The following CHIC2 variants were observed in gnomAD, a reference collection of about 807,000 sequenced individuals.
The protein encoded by CHIC2 is cysteine rich hydrophobic domain 2.
Under a neutral mutation model 25.9 loss-of-function variants are expected in CHIC2, and 14 were observed. That is an observed-to-expected ratio of 0.54 (90% CI 0.36 to 0.85). The LOEUF (loss-of-function observed/expected upper bound fraction) is 0.85. Among genes scored for constraint, CHIC2 ranks in the 40% least tolerant of loss-of-function variants. The probability of loss-of-function intolerance (pLI) is 0.01; values close to 1 mark genes in which losing one functional copy is unlikely to be tolerated. For synonymous variants in CHIC2, 70 were observed against 72.0 expected, an observed-to-expected ratio of 0.97 and a Z score of 0.14; for missense variants, 146 against 202.0, an observed-to-expected ratio of 0.72 and a Z score of 1.68.
intron 3 of CHIC2, among the ~76,000 whole-genome samples, chr4:54,041,167 G>A (rs1716565778): frequency 6.6e-6 from 1 of 151,704 alleles, no homozygotes; most frequent in South Asian, 2.1e-4. Context: ...GATGGATTTT[G>A]AAGGCAAGAC....
At chr4:54,055,794 A>C (rs1473371150) in intron 1 of CHIC2, among the ~76,000 whole-genome samples, 1 of 152,192 alleles carries the variant, frequency 6.6e-6, no homozygotes, top group Non-Finnish European at 1.5e-5. Flanking sequence ...CATATAAATC[A>C]TGCTTTAAGT....
rs1717450110 is a variant in CHIC2 at position 54,064,524 on chromosome 4, T to C, written c.-224A>G. Reference sequence around the variant, plus strand: ...ACCATCAGCAATAACAACAACACAATGTCAACATCCGCCCAGAGGCCGACA... The same window carrying C: ...ACCATCAGCAATAACAACAACACAACGTCAACATCCGCCCAGAGGCCGACA... On this transcript the variant is annotated 5_prime_UTR_variant, in exon 1 of 6. Coordinates refer to ENST00000263921, the MANE Select transcript of CHIC2 (RefSeq NM_012110.4). This position sits in a 1 kb window ranked among gnomAD's most constrained non-coding sequence, Gnocchi z 4.2. 7.2e-7 allele frequency: 1 copy of C among 1,387,720 alleles called. No individual in the cohort carries two copies. The highest frequency in any genetic ancestry group is 9.3e-7 in the Non-Finnish European group (1 of 1,076,726). 86.0% of individuals were successfully genotyped at this position (1,387,720 alleles called of 1,614,324 possible).
intron 3 of CHIC2, among the ~76,000 whole-genome samples, chr4:54,025,497 C>T (rs780296463): frequency 3.3e-5 from 5 of 152,148 alleles, no homozygotes; most frequent in Non-Finnish European, 4.4e-5. Context: ...ACAGCCTTGT[C>T]GCTCACACAA....
At chr4:54,026,933 AAATCGAACT>A (rs1455016217) in intron 3 of CHIC2, among the ~76,000 whole-genome samples, 2 of 152,172 alleles carry the variant, frequency 1.3e-5, no homozygotes, top group Non-Finnish European at 2.9e-5. Context: ...AAATTTTTGT[AAATCGAACT>A]TTTTTACAGA....
At chr4:54,050,264 T>G (rs183248043) in intron 1 of CHIC2, among the ~76,000 whole-genome samples, 4 of 152,264 alleles carry the variant, frequency 2.6e-5, no homozygotes, top group Admixed American at 2.6e-4. Context: ...CTGTAAAGTT[T>G]TGAAGGGGGG....
chr4:54,045,106 T>C (rs993725291), intron 3 of CHIC2, among the ~76,000 whole-genome samples: 7 of 152,246 alleles, frequency 4.6e-5, no homozygotes, highest in African/African-American at 9.6e-5. Context: ...CAGGAAGAAG[T>C]TGAATGTCTG....
chr4:54,086,403 T>C, the CHIC2 span, among the ~76,000 whole-genome samples: 1 of 152,128 alleles, frequency 6.6e-6, no homozygotes, highest in Non-Finnish European at 1.5e-5. Flanking sequence ...GTTTGGGGTT[T>C]GGTTTAGGAG....
At chr4:54,058,516 T>C (rs1408621609) in intron 1 of CHIC2, among the ~76,000 whole-genome samples, 1 of 150,750 alleles carries the variant, frequency 6.6e-6, no homozygotes, top group Non-Finnish European at 1.5e-5. Flanking sequence ...CCAGACCCAA[T>C]ATTCTGATTG....
chr4:54,024,689 A>G (rs983389263), intron 3 of CHIC2, among the ~76,000 whole-genome samples: 6 of 152,206 alleles, frequency 3.9e-5, no homozygotes, highest in African/African-American at 1.4e-4. Context: ...TCAAGGATAG[A>G]GCCCAAAAAT....
intron 5 of CHIC2, among the ~76,000 whole-genome samples, chr4:54,011,196 T>C (rs1454782640): frequency 6.6e-6 from 1 of 152,140 alleles, no homozygotes; most frequent in Non-Finnish European, 1.5e-5. Context: ...AAATTAGCTG[T>C]CTGGGCCAGG....
chr4:54,068,022 G>A (rs1023528606), upstream of CHIC2, among the ~76,000 whole-genome samples: 1 of 151,690 alleles, frequency 6.6e-6, no homozygotes, highest in African/African-American at 2.4e-5. Context: ...TCAAGAGGCT[G>A]GGGCCCTCAT....
chr4:54,047,406 C>T (rs1716864595), intron 3 of CHIC2, among the ~76,000 whole-genome samples: 1 of 152,004 alleles, frequency 6.6e-6, no homozygotes, highest in Non-Finnish European at 1.5e-5. Flanking sequence ...ACCCAAATGT[C>T]CAACAATGGT....
chr4:54,023,819 T>C (rs1715977849), intron 3 of CHIC2, among the ~76,000 whole-genome samples: 1 of 152,226 alleles, frequency 6.6e-6, no homozygotes, highest in African/African-American at 2.4e-5. Context: ...ACTCGAAATA[T>C]GCCTTCCATA....
At chr4:54,020,256 C>T (rs1205834980) in intron 3 of CHIC2, among the ~76,000 whole-genome samples, 2 of 152,116 alleles carry the variant, frequency 1.3e-5, no homozygotes, top group Non-Finnish European at 1.5e-5. Context: ...GCTTTGTAAT[C>T]GCCCCCACCC....
rs1296185271 is a variant in CHIC2, at chr4:54,064,170, T to A, written c.119+12A>T. ...CCCGCACCTCCCGCCCTCGCCCTCC[T>A]CCGGGCCTTACACGGTGACGTGACC... On this transcript the variant is annotated intron_variant, in intron 1 of 5. Transcript: ENST00000263921. This position sits in a 1 kb window ranked among gnomAD's most constrained non-coding sequence, Gnocchi z 4.2. 1 of 1,595,702 alleles carries A rather than the reference T, an allele frequency of 6.3e-7. No homozygotes were observed.
chr4:54,079,763 T>A, the CHIC2 span, among the ~76,000 whole-genome samples: 1 of 151,748 alleles, frequency 6.6e-6, no homozygotes, highest in Non-Finnish European at 1.5e-5. Context: ...TTTTCATCCC[T>A]GAGAGGTCTC....
chr4:54,055,650 T>C (rs760424638), intron 1 of CHIC2, among the ~76,000 whole-genome samples: 1 of 152,158 alleles, frequency 6.6e-6, no homozygotes, highest in Non-Finnish European at 1.5e-5. Flanking sequence ...AAACTGAACA[T>C]ATTGGTTATG....
chr4:54,019,911 A>T (rs1039759708), intron 3 of CHIC2, among the ~76,000 whole-genome samples: 2 of 152,104 alleles, frequency 1.3e-5, no homozygotes, highest in Admixed American at 6.6e-5. Flanking sequence ...AAAATTATCC[A>T]AAAAATTAAG....
At chr4:54,021,088 C>T (rs577344751) in intron 3 of CHIC2, among the ~76,000 whole-genome samples, 2 of 151,790 alleles carry the variant, frequency 1.3e-5, no homozygotes, top group East Asian at 1.9e-4. Flanking sequence ...CTTCTTCTCC[C>T]TTAGCCTGTG....
Sources: gnomAD v4.1 joint callset for allele counts (sites outside exome capture counted in the v4.1 genomes callset) on GRCh38, gnomAD v4.1.1 for gene constraint, Gnocchi (gnomAD v3.1) non-coding constraint, MANE v1.5 for transcripts, NCBI Gene and HGNC (gene_info 2026-07-23, HGNC 2026-07-21) for gene names.